Variants in CCDC38 observed in about 807,000 individuals in gnomAD.
CCDC38 encodes coiled-coil domain-containing protein 38.
In CCDC38, 69 loss-of-function variants were observed where a neutral mutation model predicts 72.8. The observed-to-expected ratio is 0.95, with a 90% CI of 0.78 to 1.16. The LOEUF (loss-of-function observed/expected upper bound fraction) is 1.16, where lower values mean the gene tolerates loss of function less well. Among genes scored for constraint, CCDC38 ranks in the 50% most tolerant of loss-of-function variants. CCDC38 has a pLI of 0.00. For synonymous variants in CCDC38, 201 were observed against 213.2 expected, an observed-to-expected ratio of 0.94 and a Z score of 0.50; for missense variants, 626 against 638.9, an observed-to-expected ratio of 0.98 and a Z score of 0.22.
rs141665822 is a variant in CCDC38, at chr12:95,893,327, G to GCCCTT, written c.772+1657_772+1661dup. ...TCTTTCCTTCCTTTTCCCTTCCTTT[G>GCCCTT]CCCTTCCCTTCCCTTCCCTTCCATT... On this transcript the variant is annotated intron_variant, in intron 8 of 15. Transcript: ENST00000344280. Among the ~76,000 whole-genome samples, 54 of 144,518 alleles carry GCCCTT rather than the reference G, an allele frequency of 3.7e-4. No individual in the cohort carries two copies. In the East Asian group the frequency reaches 6.1e-3, roughly 16 times the overall value. The allele number at this position is 144,518 out of a possible 152,430, so 94.8% of individuals were successfully genotyped here.
At chr12:95,915,268 T>C (rs2080132987) in intron 4 of CCDC38, among the ~76,000 whole-genome samples, 3 of 152,274 alleles carry the variant, frequency 2.0e-5, no homozygotes, top group African/African-American at 7.2e-5. Flanking sequence ...TCCCAAAGCA[T>C]TAACATTCCT....
At chr12:95,928,040 T>C (rs562206400) in intron 2 of CCDC38, among the ~76,000 whole-genome samples, 1 of 147,516 alleles carries the variant, frequency 6.8e-6, no homozygotes, top group East Asian at 2.0e-4. Flanking sequence ...TCTCGAGGAG[T>C]ATCTTTGTGG....
intron 4 of CCDC38, among the ~76,000 whole-genome samples, chr12:95,912,607 T>C (rs956099931): frequency 2.0e-5 from 3 of 152,202 alleles, no homozygotes; most frequent in African/African-American, 7.2e-5. Context: ...GCTAGAAGAA[T>C]GGATTTTGAA....
At chr12:95,876,216 A>G (rs1239491007) in intron 13 of CCDC38, among the ~76,000 whole-genome samples, 1 of 152,218 alleles carries the variant, frequency 6.6e-6, no homozygotes, top group Non-Finnish European at 1.5e-5. Context: ...ATATTGTATG[A>G]TTCTTCTTTT....
intron 13 of CCDC38, among the ~76,000 whole-genome samples, chr12:95,877,271 A>G (rs2079645931): frequency 6.7e-6 from 1 of 150,178 alleles, no homozygotes; most frequent in Non-Finnish European, 1.5e-5. Flanking sequence ...TTAATCACTC[A>G]TGTCTTTAGA....
chr12:95,915,492 T>A (rs1251540934), intron 4 of CCDC38, among the ~76,000 whole-genome samples: 3 of 152,216 alleles, frequency 2.0e-5, no homozygotes, highest in Non-Finnish European at 4.4e-5. Context: ...GTTGTGCATG[T>A]GATTTCTTTG....
At position 95,896,927 on chromosome 12, in the gene CCDC38, A is replaced by G. The variant is rs554000388; in HGVS notation, c.614+1458T>C. Among the ~76,000 whole-genome samples, 5 of 152,372 alleles carry G rather than the reference A, an allele frequency of 3.3e-5. No individual in the cohort carries two copies. The South Asian group carries it at 8.3e-4, about 25-fold the overall frequency. ...TAAATGCAATACTTTGCACAAAAAT[A>G]GAGGCTGCTACTCTAGCTCTAGAAA... On this transcript the variant is annotated intron_variant, in intron 7 of 15. Transcript: ENST00000344280.
intron 13 of CCDC38, among the ~76,000 whole-genome samples, chr12:95,874,450 G>A (rs1469332542): frequency 1.3e-5 from 2 of 152,088 alleles, no homozygotes; most frequent in Admixed American, 6.5e-5. Context: ...AGAAAATGGC[G>A]AGAAGAGATA....
Position 95,872,315 on chromosome 12 carries a change from G to T in CCDC38, c.1424C>A (p.Ser475Tyr). Residue 475 changes from serine (S) to tyrosine (Y), a missense_variant, in exon 14 of 16, where the codon TCC becomes TAC. Transcript: ENST00000344280. ...TGCCTCCACATTTTCTTTGGGAATG[G>T]ATTCGATGAGGTCACACAGTTCTAC... ...RLVELCDLIE[S>Y]IPKENVEAIE... 1 of 1,614,082 alleles carries T rather than the reference G, an allele frequency of 6.2e-7. No homozygotes were observed. Among genetic ancestry groups the T allele is most frequent in the Non-Finnish European group, 8.5e-7 (1 of 1,180,010 alleles).
chr12:95,942,114 A>T (rs1273509994), intron 1 of CCDC38, among the ~76,000 whole-genome samples: 1 of 151,828 alleles, frequency 6.6e-6, no homozygotes, highest in Non-Finnish European at 1.5e-5. Flanking sequence ...CACATCTATC[A>T]CTTTTATTGT....
At chr12:95,914,974 GA>G (rs2080130146) in intron 4 of CCDC38, among the ~76,000 whole-genome samples, 1 of 152,090 alleles carries the variant, frequency 6.6e-6, no homozygotes, top group Non-Finnish European at 1.5e-5. Context: ...TTTAATAGAA[GA>G]AAAGAATGAA....
chr12:95,882,600 A>G (rs949188170), intron 10 of CCDC38, among the ~76,000 whole-genome samples: 23 of 152,196 alleles, frequency 1.5e-4, no homozygotes, highest in Admixed American at 1.5e-3. Flanking sequence ...CTGAGAAAGC[A>G]TTTGACATTA....
intron 1 of CCDC38, among the ~76,000 whole-genome samples, chr12:95,939,527 G>A (rs1224810674): frequency 1.3e-5 from 2 of 152,190 alleles, no homozygotes; most frequent in African/African-American, 2.4e-5. Context: ...GATTCTAGAT[G>A]TGTTTTGACA....
intron 1 of CCDC38, among the ~76,000 whole-genome samples, chr12:95,940,129 T>C (rs2080433189): frequency 6.6e-6 from 1 of 152,230 alleles, no homozygotes; most frequent in Admixed American, 6.5e-5. Flanking sequence ...TCCAGATCCT[T>C]CCTCTTTCTG....
intron 10 of CCDC38, 77 bp downstream of exon 10, chr12:95,888,381 T>C (rs2121449530): frequency 2.3e-6 from 3 of 1,309,356 alleles, no homozygotes. Context: ...GACATATATG[T>C]TGAGAAAAGG....
intron 2 of CCDC38, 33 bp downstream of exon 2, chr12:95,936,440 C>T: frequency 6.2e-7 from 1 of 1,605,844 alleles, no homozygotes; most frequent in Non-Finnish European, 8.5e-7. Context: ...CTGCCAGGCC[C>T]AAACAAGAAT....
chr12:95,899,542 A>ACCTGC (rs2121479705), intron 5 of CCDC38, among the ~76,000 whole-genome samples: 1 of 152,242 alleles, frequency 6.6e-6, no homozygotes, highest in South Asian at 2.1e-4. Flanking sequence ...CAAGCAATCC[A>ACCTGC]CCTGCCTTGG....
At chr12:95,903,606 T>G (rs1274419413) in intron 5 of CCDC38, 7 of 564,142 alleles carry the variant, frequency 1.2e-5, no homozygotes, top group Non-Finnish European at 2.2e-5. Flanking sequence ...AGAATGAATT[T>G]TGGATATTGT....
At chr12:95,935,371 C>A (rs553793086) in intron 2 of CCDC38, 17 of 157,764 alleles carry the variant, frequency 1.1e-4, no homozygotes, top group Middle Eastern at 5.2e-4. Context: ...CAGGGCATGT[C>A]CCCCCTTCCC....
Sources: gnomAD v4.1 joint callset for allele counts (sites outside exome capture counted in the v4.1 genomes callset) on GRCh38, gnomAD v4.1.1 for gene constraint, MANE v1.5 for transcripts, NCBI Gene and HGNC (gene_info 2026-07-23, HGNC 2026-07-21) for gene names.